Variants in PIBF1 observed in about 807,000 individuals in gnomAD.
PIBF1 encodes the protein progesterone immunomodulatory binding factor 1.
PIBF1 carries 90 observed loss-of-function variants against 112.5 expected under a neutral mutation model. That is an observed-to-expected ratio of 0.80 (90% CI 0.67 to 0.95). The LOEUF (loss-of-function observed/expected upper bound fraction) is 0.95. PIBF1 is among the 40% of genes least tolerant of loss of function. The pLI is 0.00. For synonymous variants in PIBF1, 301 were observed against 288.6 expected (o/e 1.04, Z -0.44); for missense variants, 915 against 852.3 (o/e 1.07, Z -0.92).
Position 72,854,075 on chromosome 13 carries a change from G to A in PIBF1, c.1242G>A (p.Arg414=). The A allele has an allele frequency of 1.2e-6, 2 of 1,611,544 alleles. No individual in the cohort carries two copies. Among genetic ancestry groups the A allele is most frequent in the Non-Finnish European group, 1.7e-6 (2 of 1,177,880 alleles). The change falls in exon 10 of 18, where the codon AGG becomes AGA. Residue 414 remains arginine, a synonymous_variant. Coordinates refer to ENST00000326291, the MANE Select transcript of PIBF1 (RefSeq NM_006346.4). Reference sequence around the variant, plus strand: ...AATTTAGAAATCTCCGAGAAGCAAGGGATAATGCTGTGGCTGAAAAGGAAC... The same window carrying A: ...AATTTAGAAATCTCCGAGAAGCAAGAGATAATGCTGTGGCTGAAAAGGAAC... ...ERENRNLREA[R]DNAVAEKERA...
intron 8 of PIBF1, 69 bp downstream of exon 8, chr13:72,827,983 C>T: frequency 2.7e-6 from 3 of 1,110,782 alleles, no homozygotes; most frequent in Non-Finnish European, 3.7e-6. Context: ...GAACTCTTGG[C>T]TTTGGGGAAG....
intron 16 of PIBF1, among the ~76,000 whole-genome samples, chr13:72,998,312 C>G (rs939473864): frequency 6.6e-6 from 1 of 151,892 alleles, no homozygotes; most frequent in Non-Finnish European, 1.5e-5. Flanking sequence ...TCAAAAATTC[C>G]AAAATACAAA....
intron 8 of PIBF1, among the ~76,000 whole-genome samples, chr13:72,830,938 A>G (rs1161566654): frequency 6.6e-6 from 1 of 152,024 alleles, no homozygotes; most frequent in African/African-American, 2.4e-5. Context: ...TACTGCCTCA[A>G]TTTCAGAACT....
At chr13:72,786,086 C>T (rs1218253821) in intron 2 of PIBF1, among the ~76,000 whole-genome samples, 4 of 152,088 alleles carry the variant, frequency 2.6e-5, no homozygotes, top group South Asian at 2.1e-4. Context: ...GTGGAATTAT[C>T]GGGAGGATTA....
chr13:72,843,402 C>T (rs1321308954), intron 9 of PIBF1, among the ~76,000 whole-genome samples: 9 of 152,162 alleles, frequency 5.9e-5, no homozygotes, highest in Admixed American at 5.2e-4. Flanking sequence ...TAAGGCATGG[C>T]CATTAGCTCC....
chr13:72,813,385 T>C (rs991781779), intron 5 of PIBF1, among the ~76,000 whole-genome samples: 2 of 152,202 alleles, frequency 1.3e-5, no homozygotes, highest in Non-Finnish European at 2.9e-5. Context: ...TTGGGAAAGC[T>C]AGTGTTCCAG....
At chr13:72,929,450 T>C (rs1201153628) in intron 13 of PIBF1, among the ~76,000 whole-genome samples, 1 of 152,152 alleles carries the variant, frequency 6.6e-6, no homozygotes, top group Non-Finnish European at 1.5e-5. Context: ...TTCCCTAAGG[T>C]TGAATTTGAG....
chr13:72,978,257 G>T (rs2043072764), intron 16 of PIBF1, among the ~76,000 whole-genome samples: 1 of 152,082 alleles, frequency 6.6e-6, no homozygotes, highest in Admixed American at 6.6e-5. Flanking sequence ...TAAAACTAAG[G>T]CAGTCTACTA....
intron 10 of PIBF1, among the ~76,000 whole-genome samples, chr13:72,880,833 A>G (rs1459833013): frequency 6.6e-6 from 1 of 152,190 alleles, no homozygotes; most frequent in Non-Finnish European, 1.5e-5. Flanking sequence ...ATATATGTGC[A>G]GATTTGTTAC....
At chr13:72,878,352 A>G (rs968930647) in intron 10 of PIBF1, among the ~76,000 whole-genome samples, 2 of 152,182 alleles carry the variant, frequency 1.3e-5, no homozygotes, top group African/African-American at 2.4e-5. Flanking sequence ...TATTTAGTTT[A>G]AAATATTTTC....
intron 5 of PIBF1, among the ~76,000 whole-genome samples, chr13:72,813,423 C>G (rs1041100310): frequency 1.3e-5 from 2 of 152,106 alleles, no homozygotes; most frequent in Non-Finnish European, 2.9e-5. Context: ...ACAAATCACC[C>G]TAAAACTTGC....
At chr13:72,793,475 G>A (rs1259527786) in intron 3 of PIBF1, among the ~76,000 whole-genome samples, 1 of 152,188 alleles carries the variant, frequency 6.6e-6, no homozygotes, top group African/African-American at 2.4e-5. Context: ...ACTTGTGGGG[G>A]TGGGGTCCTG....
chr13:72,842,982 A>G (rs1473438851), intron 9 of PIBF1, among the ~76,000 whole-genome samples: 1 of 152,138 alleles, frequency 6.6e-6, no homozygotes, highest in Admixed American at 6.5e-5. Flanking sequence ...GGTGTTCCAG[A>G]TATGAAGCAA....
intron 4 of PIBF1, 78 bp downstream of exon 4, chr13:72,795,635 T>A: frequency 2.3e-6 from 2 of 860,060 alleles, no homozygotes; most frequent in Non-Finnish European, 3.7e-6. Context: ...TAGCAATTAC[T>A]TTTGAAGTAC....
chr13:72,845,660 C>A (rs1312740302), intron 9 of PIBF1, among the ~76,000 whole-genome samples: 2 of 152,144 alleles, frequency 1.3e-5, no homozygotes, highest in South Asian at 2.1e-4. Flanking sequence ...TGCTTCTCAC[C>A]AGCATCTGTT....
chr13:72,982,784 C>G (rs945665046), intron 16 of PIBF1, among the ~76,000 whole-genome samples: 2 of 152,162 alleles, frequency 1.3e-5, no homozygotes, highest in African/African-American at 4.8e-5. Flanking sequence ...AATATTTTAG[C>G]TGAAGAAAGC....
intron 10 of PIBF1, among the ~76,000 whole-genome samples, chr13:72,888,666 A>G (rs2039945566): frequency 6.6e-6 from 1 of 152,128 alleles, no homozygotes; most frequent in African/African-American, 2.4e-5. Context: ...GGTCTATTAT[A>G]TAGCAAATGA....
chr13:72,828,330 G>A (rs2036925234), intron 8 of PIBF1, among the ~76,000 whole-genome samples: 1 of 149,398 alleles, frequency 6.7e-6, no homozygotes, highest in African/African-American at 2.5e-5. Context: ...AGAATATGCA[G>A]TTTTGTTACA....
intron 8 of PIBF1, among the ~76,000 whole-genome samples, chr13:72,828,347 T>C (rs1023324990): frequency 6.6e-6 from 1 of 151,664 alleles, no homozygotes; most frequent in African/African-American, 2.4e-5. Flanking sequence ...TACATAGGTA[T>C]ACACATGCCA....
Sources: gnomAD v4.1 joint callset for allele counts (sites outside exome capture counted in the v4.1 genomes callset) on GRCh38, gnomAD v4.1.1 for gene constraint, MANE v1.5 for transcripts, NCBI Gene and HGNC (gene_info 2026-07-23, HGNC 2026-07-21) for gene names.